TGFB1: variants seen among roughly 807,000 people sequenced by gnomAD.
TGFB1 encodes the protein transforming growth factor beta 1, also known as transforming growth factor beta-1 proprotein.
In TGFB1, 19 loss-of-function variants were observed where a neutral mutation model predicts 43.8. The observed-to-expected ratio is 0.43, with a 90% CI of 0.30 to 0.64. The LOEUF is 0.64. Among genes scored for constraint, TGFB1 ranks in the 30% least tolerant of loss-of-function variants. The pLI is 0.11. For missense variants in TGFB1, 445 were observed against 529.8 expected (o/e 0.84, Z 1.57); for synonymous variants, 221 against 236.3 (o/e 0.94, Z 0.60).
chr19:41,333,357 C>T (rs749570711), intron 5 of TGFB1, among the ~76,000 whole-genome samples: 3 of 151,560 alleles, frequency 2.0e-5, no homozygotes, highest in Non-Finnish European at 4.4e-5. Flanking sequence ...GGATTACAGG[C>T]GTGTGCCACC....
intron 5 of TGFB1, among the ~76,000 whole-genome samples, chr19:41,341,566 A>ACG (rs1262868368): frequency 6.8e-6 from 1 of 146,676 alleles, no homozygotes; most frequent in African/African-American, 2.5e-5. Context: ...GGCGCCCACC[A>ACG]CGCCTGGCTA....
chr19:41,339,487 C>G (rs906355783), intron 5 of TGFB1, among the ~76,000 whole-genome samples: 1 of 151,774 alleles, frequency 6.6e-6, no homozygotes, highest in Admixed American at 6.6e-5. Flanking sequence ...GCTGACATGG[C>G]TGGCTATCTC....
At chr19:41,351,977 C>A (rs990776772) in intron 1 of TGFB1, among the ~76,000 whole-genome samples, 3 of 152,170 alleles carry the variant, frequency 2.0e-5, no homozygotes, top group African/African-American at 7.2e-5. Flanking sequence ...TGTGAAACAC[C>A]GAGGACACCT....
chr19:41,331,795 ACT>A (rs1491385656), intron 6 of TGFB1, among the ~76,000 whole-genome samples: 1 of 146,840 alleles, frequency 6.8e-6, no homozygotes, highest in African/African-American at 2.5e-5. Context: ...CCTTGGCCTA[ACT>A]CTGTGTCTGT....
intron 2 of TGFB1, among the ~76,000 whole-genome samples, chr19:41,347,276 G>A (rs1189569900): frequency 1.3e-5 from 2 of 152,162 alleles, no homozygotes; most frequent in Non-Finnish European, 2.9e-5. Context: ...GCCTGCCTCG[G>A]CTTCCCAAAG....
chr19:41,349,003 T>C (rs2038151127), intron 1 of TGFB1, among the ~76,000 whole-genome samples: 1 of 152,006 alleles, frequency 6.6e-6, no homozygotes, highest in African/African-American at 2.4e-5. Context: ...GTAAAATAGG[T>C]CCTAACCACA....
chr19:41,336,383 T>A (rs2037988659), intron 5 of TGFB1, among the ~76,000 whole-genome samples: 1 of 145,826 alleles, frequency 6.9e-6, no homozygotes, highest in African/African-American at 2.5e-5. Context: ...CTATCCACTA[T>A]CTCTTTTTTT....
At chr19:41,339,235 C>G (rs1395034928) in intron 5 of TGFB1, among the ~76,000 whole-genome samples, 1 of 151,878 alleles carries the variant, frequency 6.6e-6, no homozygotes, top group Non-Finnish European at 1.5e-5. Context: ...CCTGCCTCAG[C>G]CTCCCAAGTA....
In TGFB1 at chr19:41,348,431, C is replaced by G; in HGVS notation, c.380G>C (p.Ser127Thr). The change falls in exon 2 of 7, where the codon AGT becomes ACT. Residue 127 changes from serine to threonine, a missense_variant. Physicochemically the swap from Ser to Thr is moderately conservative, Grantham distance 58. This residue lies in a region of TGFB1 where 366 missense variants were observed against 428.8 expected (regional missense o/e 0.85). Coordinates refer to ENST00000221930, the MANE Select transcript of TGFB1 (RefSeq NM_000660.7). ...HNEIYDKFKQ[S>T]THSIYMFFNT... ...GAAGAACATATATATGCTGTGTGTA[C>G]TCTGCTTGAACTTGTCATAGATTTC... The G allele has an allele frequency of 6.2e-7, 1 of 1,613,360 alleles. No homozygotes were observed.
intron 1 of TGFB1, among the ~76,000 whole-genome samples, chr19:41,350,056 C>T (rs1261603525): frequency 5.9e-5 from 9 of 151,918 alleles, no homozygotes; most frequent in East Asian, 1.9e-4. Context: ...CCATGGCTCA[C>T]GGCAGGCTGG....
At chr19:41,341,560 C>T (rs1008290308) in intron 5 of TGFB1, among the ~76,000 whole-genome samples, 1 of 150,256 alleles carries the variant, frequency 6.7e-6, no homozygotes, top group African/African-American at 2.4e-5. Context: ...ATTATAGGCG[C>T]CCACCACGCC....
Position 41,353,592 on chromosome 19 carries a change from C to G in TGFB1, c.-548G>C. ...GGGCAGCGTCGCGCCAAGAGGTCCCCGCGCCTCCGGCTCCCAGCGGCAACG... is the reference window on the plus strand; with the variant it reads ...GGGCAGCGTCGCGCCAAGAGGTCCCGGCGCCTCCGGCTCCCAGCGGCAACG... On this transcript the variant is annotated 5_prime_UTR_variant, in exon 1 of 7. Coordinates refer to ENST00000221930, the MANE Select transcript of TGFB1 (RefSeq NM_000660.7). This position sits in a 1 kb window ranked among gnomAD's most constrained non-coding sequence, Gnocchi z 5.9. The G allele has an allele frequency of 6.5e-6, 1 of 152,944 alleles. No individual in the cohort carries two copies. Among genetic ancestry groups the G allele is most frequent in the Admixed American group, 6.5e-5 (1 of 15,316 alleles). 9.5% of individuals were successfully genotyped at this position (152,944 alleles called of 1,614,324 possible). A position where few individuals can be genotyped will look rare whatever the true frequency, so the allele number is the denominator to read the frequency against.
Position 41,331,281 on chromosome 19 carries a change from C to T in TGFB1, c.1015-71G>A, listed in dbSNP as rs933612071. The T allele has an allele frequency of 2.2e-5, 32 of 1,426,416 alleles. No homozygotes were observed. In the African/African-American group the frequency reaches 4.6e-4, roughly 20 times the overall value. 88.4% of individuals were successfully genotyped at this position (1,426,416 alleles called of 1,614,324 possible). A position where few individuals can be genotyped will look rare whatever the true frequency, so the allele number is the denominator to read the frequency against. ...GAAAACGGCCCTCCACTGCCCCATCCCCCACCCGCTACCGCGCCAGCCTCT... is the reference window on the plus strand; with the variant it reads ...GAAAACGGCCCTCCACTGCCCCATCTCCCACCCGCTACCGCGCCAGCCTCT... On this transcript the variant is annotated intron_variant, in intron 6 of 6. Transcript: ENST00000221930.
At chr19:41,348,006 C>A (rs2038136391) in intron 2 of TGFB1, among the ~76,000 whole-genome samples, 1 of 151,450 alleles carries the variant, frequency 6.6e-6, no homozygotes, top group African/African-American at 2.4e-5. Flanking sequence ...GTGGCGCACA[C>A]CTGTAATCCC....
At chr19:41,340,251 CT>C (rs3061188) in intron 5 of TGFB1, among the ~76,000 whole-genome samples, 7,675 of 124,640 alleles carry the variant, frequency 0.062, 160 homozygotes, top group Non-Finnish European at 0.08. Context: ...CACTTTCTTT[CT>C]TTTTTTTTTT....
intron 3 of TGFB1, among the ~76,000 whole-genome samples, 153 bp downstream of exon 3, chr19:41,344,594 T>G (rs928370249): frequency 6.6e-5 from 10 of 152,114 alleles, no homozygotes; most frequent in Non-Finnish European, 1.5e-4. Flanking sequence ...GATTAGCCAA[T>G]CACTCAGGTT....
intron 1 of TGFB1, among the ~76,000 whole-genome samples, chr19:41,350,143 C>T (rs1004847853): frequency 2.6e-5 from 4 of 152,120 alleles, no homozygotes; most frequent in Admixed American, 6.5e-5. Flanking sequence ...ACCACACCCA[C>T]CCAGCTAGAG....
chr19:41,335,547 G>A (rs1234064252), intron 5 of TGFB1, among the ~76,000 whole-genome samples: 1 of 152,214 alleles, frequency 6.6e-6, no homozygotes, highest in Non-Finnish European at 1.5e-5. Flanking sequence ...CAGAAATTGT[G>A]TGCAGGACTG....
Position 41,352,892 on chromosome 19 carries a change from G to T in TGFB1, c.153C>A (p.Gly51=). 1 of 1,561,308 alleles carries T rather than the reference G, an allele frequency of 6.4e-7. No individual in the cohort carries two copies. ...CGAGCCGCAGCTTGGACAGGATCTG[G>T]CCGCGGATGGCCTCGATGCGCTTCC... ...VKRKRIEAIR[G]QILSKLRLAS... is the part of the protein sequence containing the mutation. The change falls in exon 1 of 7, where the codon GGC becomes GGA. Residue 51 remains glycine (G), a synonymous_variant. Transcript: ENST00000221930.
Sources: gnomAD v4.1 joint callset for allele counts (sites outside exome capture counted in the v4.1 genomes callset) on GRCh38, gnomAD v4.1.1 for gene constraint, gnomAD v4.1.1 regional missense constraint, Gnocchi (gnomAD v3.1) non-coding constraint, MANE v1.5 for transcripts, NCBI Gene and HGNC (gene_info 2026-07-23, HGNC 2026-07-21) for gene names.